The following DBF4 variants were observed in gnomAD, a reference collection of about 807,000 sequenced individuals.
The protein encoded by DBF4 is DBF4-CDC7 kinase regulatory subunit.
A neutral mutation model predicts 76.6 loss-of-function variants in DBF4; 25 were observed. That is an observed-to-expected ratio of 0.33 (90% CI 0.24 to 0.46). DBF4 has a LOEUF of 0.46. Among genes scored for constraint, DBF4 ranks in the 20% least tolerant of loss-of-function variants. DBF4 has a pLI of 1.00. For synonymous variants in DBF4, 213 were observed against 258.0 expected (o/e 0.83, Z 1.67); for missense variants, 638 against 760.8 (o/e 0.84, Z 1.90).
At chr7:87,878,832 A>C (rs1839135919) in intron 2 of DBF4, among the ~76,000 whole-genome samples, 1 of 152,222 alleles carries the variant, frequency 6.6e-6, no homozygotes, top group Admixed American at 6.5e-5. Flanking sequence ...GAGGTAATTA[A>C]GATTTTTTTC....
chr7:87,894,758 G>A (rs1029035110), intron 6 of DBF4, among the ~76,000 whole-genome samples: 1 of 152,164 alleles, frequency 6.6e-6, no homozygotes, highest in African/African-American at 2.4e-5. Flanking sequence ...CATGGATTCT[G>A]ACGAGAAATC....
intron 11 of DBF4, among the ~76,000 whole-genome samples, 181 bp downstream of exon 11, chr7:87,904,597 C>T (rs1018371218): frequency 1.3e-5 from 2 of 152,032 alleles, no homozygotes; most frequent in Middle Eastern, 3.4e-3. Context: ...AAAAATTAGC[C>T]GGGTGTGGTG....
At chr7:87,883,017 AGT>A (rs1183463822) in intron 2 of DBF4, among the ~76,000 whole-genome samples, 1 of 152,226 alleles carries the variant, frequency 6.6e-6, no homozygotes, top group Non-Finnish European at 1.5e-5. Context: ...ATAGCTAAAA[AGT>A]GTGAACAGCC....
chr7:87,887,221 C>A, intron 4 of DBF4, 108 bp from the exon 5 acceptor site: 1 of 936,672 alleles, frequency 1.1e-6, no homozygotes, highest in East Asian at 2.7e-5. Context: ...GGGTCTGTTA[C>A]AAATAACTGC....
intron 2 of DBF4, 62 bp from the exon 3 acceptor site, chr7:87,884,917 A>G: frequency 1.6e-6 from 2 of 1,287,790 alleles, no homozygotes; most frequent in Non-Finnish European, 2.2e-6. Context: ...AGCCTGGATA[A>G]CACAGTGAGA....
chr7:87,882,525 G>A (rs1839241541), intron 2 of DBF4, among the ~76,000 whole-genome samples: 1 of 152,196 alleles, frequency 6.6e-6, no homozygotes, highest in African/African-American at 2.4e-5. Flanking sequence ...AGGAGTGAAA[G>A]AACGCACAGA....
intron 6 of DBF4, among the ~76,000 whole-genome samples, chr7:87,892,839 T>G (rs1323924184): frequency 6.6e-6 from 1 of 152,242 alleles, no homozygotes; most frequent in East Asian, 1.9e-4. Flanking sequence ...TAGGAATTTT[T>G]CAGCTATCTT....
At chr7:87,881,030 C>T (rs770452002) in intron 2 of DBF4, among the ~76,000 whole-genome samples, 1 of 152,334 alleles carries the variant, frequency 6.6e-6, no homozygotes, top group East Asian at 1.9e-4. Context: ...TCAACAATAT[C>T]TAATACATTG....
chr7:87,885,787 A>G (rs1839333572), intron 3 of DBF4, among the ~76,000 whole-genome samples: 1 of 152,214 alleles, frequency 6.6e-6, no homozygotes, highest in Admixed American at 6.5e-5. Context: ...TCCTTTGCAT[A>G]AAAAGGTTGC....
chr7:87,900,273 T>C lies in DBF4; in HGVS notation c.733T>C (p.Ser245Pro). 1 of 1,605,524 alleles carries C rather than the reference T, an allele frequency of 6.2e-7. No individual in the cohort carries two copies. Among genetic ancestry groups the C allele is most frequent in the East Asian group, 2.2e-5 (1 of 44,578 alleles). ...GACCAATATGCCTTTTATAAATTAT[T>C]CTATTCAGAAGCCCTGCAGTCCATT... ...QLTNMPFINY[S>P]IQKPCSPFDV... The change falls in exon 9 of 12, where the codon TCT (serine) becomes CCT (proline). Residue 245 changes from serine (S) to proline (P), a missense_variant. Physicochemically the swap from Ser to Pro is moderately conservative, Grantham distance 74. Transcript: ENST00000265728.
chr7:87,900,162 T>G, intron 8 of DBF4, 59 bp from the exon 9 acceptor site: 7 of 1,391,084 alleles, frequency 5.0e-6, no homozygotes, highest in Non-Finnish European at 6.9e-6. Context: ...ATACAAAACT[T>G]TAAACCTTTT....
At chr7:87,885,918 A>T (rs1285595898) in intron 3 of DBF4, among the ~76,000 whole-genome samples, 1 of 152,246 alleles carries the variant, frequency 6.6e-6, no homozygotes, top group Non-Finnish European at 1.5e-5. Flanking sequence ...ATAGGATCAA[A>T]TGAGAGATAA....
At chr7:87,887,013 C>T (rs1839372264) in intron 4 of DBF4, 119 bp downstream of exon 4, 2 of 695,278 alleles carry the variant, frequency 2.9e-6, no homozygotes, top group South Asian at 4.0e-5. Context: ...TGAATCTCAG[C>T]ATATATTTTA....
intron 10 of DBF4, 36 bp from the exon 11 acceptor site, chr7:87,904,256 A>G: frequency 6.4e-7 from 1 of 1,565,704 alleles, no homozygotes. Context: ...GATTTTAAAT[A>G]CAATTTTTTG....
rs1562769795 is a variant in DBF4, at chr7:87,908,760, A to T, written c.*597A>T. ...GAATATAATTTATCTGCTATTTTTA[A>T]TTACTTACCTTGTAAATAACTTTAA... On this transcript the variant is annotated 3_prime_UTR_variant, in exon 12 of 12. Transcript: ENST00000265728. 1 of 136,430 alleles carries T rather than the reference A, an allele frequency of 7.3e-6. No homozygotes were observed. The highest frequency in any genetic ancestry group is 1.5e-5 in the Non-Finnish European group (1 of 65,732). The allele number at this position is 136,430 out of a possible 1,614,324, so 8.5% of individuals were successfully genotyped here.
Position 87,907,216 on chromosome 7 carries a change from C to G in DBF4, c.1078C>G (p.Pro360Ala). ...RIKYSVGSLS[P>A]VSASVLKKTE... ...AAAATACAGTGTTGGATCCCTTTCT[C>G]CTGTTTCTGCAAGTGTCCTGAAAAA... The change falls in exon 12 of 12, where the codon CCT becomes GCT. Residue 360 changes from proline to alanine, a missense_variant. Transcript: ENST00000265728. 6.2e-7 allele frequency: 1 copy of G among 1,606,202 alleles called. No individual in the cohort carries two copies. Among genetic ancestry groups the G allele is most frequent in the East Asian group, 2.2e-5 (1 of 44,810 alleles).
chr7:87,876,669 G>T lies in DBF4; in HGVS notation c.-64G>T. On this transcript the variant is annotated 5_prime_UTR_variant, in exon 1 of 12. Coordinates refer to ENST00000265728, the MANE Select transcript of DBF4 (RefSeq NM_006716.4). ...CTGTCAACAGGCCGGGGGAAGCCGT[G>T]CTTTCGCGGCTGCCCGGTGCGACAC... is the stretch of plus-strand genomic sequence containing the variant. The T allele has an allele frequency of 1.3e-6, 2 of 1,590,908 alleles. No homozygotes were observed. Among genetic ancestry groups the T allele is most frequent in the Admixed American group, 3.4e-5 (2 of 59,430 alleles).
chr7:87,878,413 G>T, intron 2 of DBF4, 188 bp downstream of exon 2: 1 of 518,526 alleles, frequency 1.9e-6, no homozygotes, highest in African/African-American at 2.0e-5. Flanking sequence ...GACCTTTCAG[G>T]TTTCTCTGAT....
Position 87,876,610 on chromosome 7 carries a change from G to C in DBF4, c.-123G>C, listed in dbSNP as rs1282520894. ...AGACGCGGTACCTCTACTGCGTAGA[G>C]GCCGTAGCTGGCGGAAGGAGAGAGG... On this transcript the variant is annotated 5_prime_UTR_variant, in exon 1 of 12. Transcript: ENST00000265728. 12 of 1,102,594 alleles carry C rather than the reference G, an allele frequency of 1.1e-5. No individual in the cohort carries two copies. Among genetic ancestry groups the C allele is most frequent in the African/African-American group, 3.1e-5 (2 of 64,894 alleles). The allele number at this position is 1,102,594 out of a possible 1,614,324, so 68.3% of individuals were successfully genotyped here.
Sources: gnomAD v4.1 joint callset for allele counts (sites outside exome capture counted in the v4.1 genomes callset) on GRCh38, gnomAD v4.1.1 for gene constraint, MANE v1.5 for transcripts, NCBI Gene and HGNC (gene_info 2026-07-23, HGNC 2026-07-21) for gene names.